DGKD: variants seen among roughly 807,000 people sequenced by gnomAD.
DGKD encodes DAG kinase delta.
A neutral mutation model predicts 154.4 loss-of-function variants in DGKD; 68 were observed. That is an observed-to-expected ratio of 0.44 (90% CI 0.36 to 0.54). The LOEUF (loss-of-function observed/expected upper bound fraction) is 0.54, where lower values mean the gene tolerates loss of function less well. DGKD is among the 20% of genes least tolerant of loss of function. DGKD has a pLI of 0.00. For missense variants in DGKD, 1,343 were observed against 1,593.6 expected (o/e 0.84, Z 2.68); for synonymous variants, 693 against 638.0 (o/e 1.09, Z -1.30).
intron 16 of DGKD, among the ~76,000 whole-genome samples, 181 bp from the exon 17 acceptor site, chr2:233,450,741 C>A (rs894904510): frequency 3.3e-5 from 5 of 152,198 alleles, no homozygotes; most frequent in African/African-American, 7.2e-5. Context: ...CCCAGCCCCC[C>A]AAACATGTGC....
chr2:233,423,165 C>T (rs1418635343), intron 3 of DGKD, among the ~76,000 whole-genome samples: 1 of 152,206 alleles, frequency 6.6e-6, no homozygotes, highest in Non-Finnish European at 1.5e-5. Context: ...CCCTGAAGGG[C>T]ATCCGAATAG....
In DGKD at chr2:233,427,337, C is replaced by CTTT. The variant is rs35153949; in HGVS notation, c.349-7024_349-7022dup. 1.6e-4 allele frequency among the ~76,000 whole-genome samples: 13 copies of CTTT among 83,754 alleles called. 1 individual carries two copies. Among genetic ancestry groups the CTTT allele is most frequent in the Admixed American group, 2.7e-4 (2 of 7,386 alleles). The allele number at this position is 83,754 out of a possible 152,430, so 54.9% of individuals were successfully genotyped here. A position where few individuals can be genotyped will look rare whatever the true frequency, so the allele number is the denominator to read the frequency against. ...CTGTTGAGTTCAGTTTATTGCCCTG[C>CTTT]TTTTTTTTTTTTTTTTTTTTTGAGA... On this transcript the variant is annotated intron_variant, in intron 3 of 29. Coordinates refer to ENST00000264057, the MANE Select transcript of DGKD (RefSeq NM_152879.3).
Position 233,434,869 on chromosome 2 carries a change from C to G in DGKD, c.554C>G (p.Ser185Cys). ...TYCNVCREAL[S>C]GVTSHGLSCE... is the part of the protein sequence containing the mutation. ...TGCAATGTGTGCCGTGAGGCTCTGT[C>G]TGGGGTCACGTCGCACGGGCTGTCC... The change falls in exon 5 of 30, where the codon TCT becomes TGT. Residue 185 changes from serine to cysteine, a missense_variant. Ser to Cys is a moderately radical substitution (Grantham distance 112). Around this residue, in one of 6 missense-constraint regions of DGKD, gnomAD observed 332 missense variants for 400.1 expected, o/e 0.83. Coordinates refer to ENST00000264057, the MANE Select transcript of DGKD (RefSeq NM_152879.3). 1 of 1,614,120 alleles carries G rather than the reference C, an allele frequency of 6.2e-7. No homozygotes were observed. The highest frequency in any genetic ancestry group is 8.5e-7 in the Non-Finnish European group (1 of 1,180,022).
At position 233,457,177 on chromosome 2, in the gene DGKD, T is replaced by G. The variant is rs754875484; in HGVS notation, c.2473-44T>G. The stretch of plus-strand genomic sequence containing the variant: ...AGCTGGTAGAGAAGGAGGGGCTGAC[T>G]CATACCTTTCTCTTTTCTTTTGTTC... On this transcript the variant is annotated intron_variant, in intron 20 of 29. Coordinates refer to ENST00000264057, the MANE Select transcript of DGKD (RefSeq NM_152879.3). This position sits in a 1 kb window ranked among gnomAD's most constrained non-coding sequence, Gnocchi z 5.5. 6.9e-7 allele frequency: 1 copy of G among 1,453,814 alleles called. No individual in the cohort carries two copies. The highest frequency in any genetic ancestry group is 9.3e-7 in the Non-Finnish European group (1 of 1,074,362). 90.1% of individuals were successfully genotyped at this position (1,453,814 alleles called of 1,614,324 possible). A position where few individuals can be genotyped will look rare whatever the true frequency, so the allele number is the denominator to read the frequency against.
chr2:233,454,203 T>C (rs893686529), intron 18 of DGKD, among the ~76,000 whole-genome samples: 2 of 152,250 alleles, frequency 1.3e-5, no homozygotes, highest in Admixed American at 1.3e-4. Context: ...TCCTAAATGA[T>C]AACCAAAACG....
chr2:233,380,495 A>G (rs1702832394), intron 1 of DGKD, among the ~76,000 whole-genome samples: 1 of 152,204 alleles, frequency 6.6e-6, no homozygotes, highest in South Asian at 2.1e-4. Flanking sequence ...CACTGAGACT[A>G]CACGTGTTCC....
intron 14 of DGKD, among the ~76,000 whole-genome samples, chr2:233,448,763 C>A (rs1553537421): frequency 6.6e-6 from 1 of 152,152 alleles, no homozygotes; most frequent in Non-Finnish European, 1.5e-5. Flanking sequence ...TTACAAAGGT[C>A]ACACTCCTGT....
In DGKD at chr2:233,469,501, C is replaced by G; in HGVS notation, c.*41C>G. 6.5e-7 allele frequency: 1 copy of G among 1,530,460 alleles called. No homozygotes were observed. Among genetic ancestry groups the G allele is most frequent in the Non-Finnish European group, 8.9e-7 (1 of 1,127,394 alleles). The allele number at this position is 1,530,460 out of a possible 1,614,324, so 94.8% of individuals were successfully genotyped here. On this transcript the variant is annotated 3_prime_UTR_variant, in exon 30 of 30. Coordinates refer to ENST00000264057, the MANE Select transcript of DGKD (RefSeq NM_152879.3). Reference sequence around the variant, plus strand: ...CCTGTGGCCTCCACATCCCCGCCGCCGAGGCCTAGCCTCCGCCCTCTCAGC... The same window carrying G: ...CCTGTGGCCTCCACATCCCCGCCGCGGAGGCCTAGCCTCCGCCCTCTCAGC...
In DGKD at chr2:233,434,451, A is replaced by C. The variant is rs1297737106; in HGVS notation, c.420A>C (p.Ala140=). The change falls in exon 4 of 30, where the codon GCA becomes GCC. Residue 140 remains alanine (A), a synonymous_variant. Coordinates refer to ENST00000264057, the MANE Select transcript of DGKD (RefSeq NM_152879.3). ...NRKEMEDWIA[A]LKTVQNREHF... ...AAGAAATGGAAGATTGGATTGCAGC[A>C]TTAAAGACTGTGCAGAACAGGGAGC... The C allele has an allele frequency of 3.1e-6, 5 of 1,614,098 alleles. No homozygotes were observed. In the South Asian group the frequency reaches 5.5e-5, roughly 18 times the overall value.
chr2:233,446,934 C>T, intron 12 of DGKD, 138 bp downstream of exon 12: 1 of 975,444 alleles, frequency 1.0e-6, no homozygotes, highest in Non-Finnish European at 1.5e-6. Flanking sequence ...TGCGGAGGCG[C>T]AGGGTGAACC....
chr2:233,447,779 C>T (rs1393508687), intron 12 of DGKD: 18 of 1,130,854 alleles, frequency 1.6e-5, no homozygotes, highest in Non-Finnish European at 1.8e-5. Flanking sequence ...ATGCCGCTGT[C>T]AGGATGAGTA....
intron 7 of DGKD, among the ~76,000 whole-genome samples, chr2:233,436,895 G>A (rs2062716184): frequency 6.6e-6 from 1 of 152,222 alleles, no homozygotes; most frequent in South Asian, 2.1e-4. Flanking sequence ...CGTTGCTCTG[G>A]GTGGTGAGAT....
At chr2:233,419,396 A>T (rs2062045283) in intron 3 of DGKD, 2 of 985,468 alleles carry the variant, frequency 2.0e-6, no homozygotes, top group Non-Finnish European at 1.2e-6. Flanking sequence ...GCAGCTGGAA[A>T]CTGTTCTGAG....
intron 16 of DGKD, 98 bp from the exon 17 acceptor site, chr2:233,450,824 T>A: frequency 6.7e-7 from 1 of 1,485,558 alleles, no homozygotes; most frequent in African/African-American, 1.4e-5. Flanking sequence ...CAGCCCTCCC[T>A]CCTCAGCCCT....
intron 1 of DGKD, among the ~76,000 whole-genome samples, chr2:233,377,205 C>T (rs1702623412): frequency 6.6e-6 from 1 of 151,582 alleles, no homozygotes; most frequent in Non-Finnish European, 1.5e-5. Flanking sequence ...GCTTCAGCCT[C>T]CCGAGTAGCT....
At chr2:233,394,691 C>CTTTTTTTTTTT (rs1162430401) in intron 3 of DGKD, among the ~76,000 whole-genome samples, 1 of 26,408 alleles carries the variant, frequency 3.8e-5, no homozygotes, top group Non-Finnish European at 6.3e-5. Flanking sequence ...ATTTAATTCC[C>CTTTTTTTTTTT]TTTTTTTTTT....
chr2:233,451,129 G>A (rs916442749), intron 17 of DGKD, 79 bp downstream of exon 17: 48 of 1,496,140 alleles, frequency 3.2e-5, no homozygotes, highest in African/African-American at 1.1e-4. Context: ...AGATGGGCTC[G>A]CTGCCCTCGG....
At chr2:233,409,544 A>G (rs557300738) in intron 3 of DGKD, among the ~76,000 whole-genome samples, 4 of 151,468 alleles carry the variant, frequency 2.6e-5, no homozygotes, top group Admixed American at 2.0e-4. Context: ...AAATGGTATC[A>G]TTCTCTAGGA....
At chr2:233,420,624 C>T (rs890022152) in intron 3 of DGKD, among the ~76,000 whole-genome samples, 1 of 152,236 alleles carries the variant, frequency 6.6e-6, no homozygotes, top group Non-Finnish European at 1.5e-5. Context: ...TGGACAGCCA[C>T]AGCATTACGC....
Sources: gnomAD v4.1 joint callset for allele counts (sites outside exome capture counted in the v4.1 genomes callset) on GRCh38, gnomAD v4.1.1 for gene constraint, gnomAD v4.1.1 regional missense constraint, Gnocchi (gnomAD v3.1) non-coding constraint, MANE v1.5 for transcripts, NCBI Gene and HGNC (gene_info 2026-07-23, HGNC 2026-07-21) for gene names.